The following KCNH8 variants were observed in gnomAD, a reference collection of about 807,000 sequenced individuals.
The protein encoded by KCNH8 is potassium voltage-gated channel subfamily H member 8.
In KCNH8, 70 loss-of-function variants were observed where a neutral mutation model predicts 103.6. That is an observed-to-expected ratio of 0.68 (90% confidence interval 0.56 to 0.82). The LOEUF is 0.82. KCNH8 is among the 40% of genes least tolerant of loss of function. KCNH8 has a pLI of 0.00. For synonymous variants in KCNH8, 498 were observed against 489.4 expected, an observed-to-expected ratio of 1.02 and a Z score of -0.23; for missense variants, 1,217 against 1,329.9, an observed-to-expected ratio of 0.92 and a Z score of 1.32.
intron 2 of KCNH8, among the ~76,000 whole-genome samples, chr3:19,264,648 C>G (rs1442738521): frequency 6.6e-6 from 1 of 152,022 alleles, no homozygotes; most frequent in Non-Finnish European, 1.5e-5. Context: ...TCCATACTTT[C>G]ACTTCTTCAA....
intron 15 of KCNH8, among the ~76,000 whole-genome samples, chr3:19,520,166 G>A (rs1405280710): frequency 6.6e-6 from 1 of 150,892 alleles, no homozygotes; most frequent in Non-Finnish European, 1.5e-5. Flanking sequence ...TGCTATGGTG[G>A]TTTGCTGTAC....
chr3:19,336,690 C>T (rs961761690), intron 3 of KCNH8, among the ~76,000 whole-genome samples: 2 of 151,782 alleles, frequency 1.3e-5, no homozygotes, highest in Admixed American at 6.6e-5. Context: ...GTGTTTTTAA[C>T]GTTTTTCAAT....
intron 11 of KCNH8, among the ~76,000 whole-genome samples, chr3:19,480,718 C>G (rs1387196153): frequency 6.6e-6 from 1 of 152,090 alleles, no homozygotes; most frequent in Non-Finnish European, 1.5e-5. Flanking sequence ...AATGTTGAGG[C>G]CTTCTCTCCA....
At chr3:19,441,993 A>G (rs1251042860) in intron 8 of KCNH8, among the ~76,000 whole-genome samples, 2 of 152,224 alleles carry the variant, frequency 1.3e-5, no homozygotes, top group Non-Finnish European at 2.9e-5. Flanking sequence ...AGTAAATGCT[A>G]AGTGCCACAT....
In KCNH8 at chr3:19,148,552, CTCTCCCTT is replaced by C; in HGVS notation, c.-160_-153del. Reference sequence around the variant, plus strand: ...TGCCACAGCCGGGGCGGCTGGAACTCTCTCCCTTTCTCCCTCCATCCTTCCACTTCCCC... The same window carrying C: ...TGCCACAGCCGGGGCGGCTGGAACTCTCTCCCTCCATCCTTCCACTTCCCC... On this transcript the variant is annotated 5_prime_UTR_variant, in exon 1 of 16. Transcript: ENST00000328405. 1 of 660,510 alleles carries C rather than the reference CTCTCCCTT, an allele frequency of 1.5e-6. No homozygotes were observed. The highest frequency in any genetic ancestry group is 2.7e-6 in the Non-Finnish European group (1 of 369,406). The allele number at this position is 660,510 out of a possible 1,614,324, so 40.9% of individuals were successfully genotyped here. A position where few individuals can be genotyped will look rare whatever the true frequency, so the allele number is the denominator to read the frequency against.
At position 19,490,784 on chromosome 3, in the gene KCNH8, A is replaced by G. The variant is rs560056880; in HGVS notation, c.2041-19579A>G. On this transcript the variant is annotated intron_variant, in intron 11 of 15. Transcript: ENST00000328405. ...AAAGTGAGAGAGTTGGACTAATTCA[A>G]TGGTTTCACATCTAACCTGGAGACT... Among the ~76,000 whole-genome samples the G allele has an allele frequency of 1.2e-4, 18 of 152,276 alleles. No individual in the cohort carries two copies. In the East Asian group the frequency reaches 1.5e-3, roughly 13 times the overall value.
intron 3 of KCNH8, among the ~76,000 whole-genome samples, chr3:19,340,955 AG>A (rs1362502185): frequency 6.6e-6 from 1 of 152,150 alleles, no homozygotes; most frequent in African/African-American, 2.4e-5. Flanking sequence ...CAGGAATGAA[AG>A]GAAGCAATGT....
Position 19,307,294 on chromosome 3 carries a change from A to G in KCNH8, c.442+25965A>G, listed in dbSNP as rs758412447. The stretch of plus-strand genomic sequence containing the variant: ...AGAAAACAAACCAATGGCCAAAAAT[A>G]TATATATGAAAAATGCTCAGCATCA... On this transcript the variant is annotated intron_variant, in intron 3 of 15. Coordinates refer to ENST00000328405, the MANE Select transcript of KCNH8 (RefSeq NM_144633.3). Among the ~76,000 whole-genome samples the G allele has an allele frequency of 2.6e-4, 40 of 152,046 alleles. 1 individual carries two copies. Among genetic ancestry groups the G allele is most frequent in the South Asian group, 4.1e-4 (2 of 4,834 alleles).
chr3:19,272,597 C>T (rs554137241), intron 2 of KCNH8, among the ~76,000 whole-genome samples: 3 of 152,234 alleles, frequency 2.0e-5, no homozygotes, highest in African/African-American at 7.2e-5. Context: ...TTCTCTCCTT[C>T]ACTTGACATC....
At chr3:19,152,700 C>T (rs1396344109) in intron 1 of KCNH8, among the ~76,000 whole-genome samples, 1 of 152,204 alleles carries the variant, frequency 6.6e-6, no homozygotes, top group Non-Finnish European at 1.5e-5. Flanking sequence ...CTTTGGGAGG[C>T]TGAGGCGGGC....
chr3:19,335,091 T>C (rs573468450), intron 3 of KCNH8, among the ~76,000 whole-genome samples: 31 of 152,092 alleles, frequency 2.0e-4, no homozygotes, highest in South Asian at 1.2e-3. Flanking sequence ...TTTTATAAGT[T>C]ACAAAAACTG....
At chr3:19,196,296 G>T (rs1321832992) in intron 1 of KCNH8, among the ~76,000 whole-genome samples, 1 of 151,882 alleles carries the variant, frequency 6.6e-6, no homozygotes, top group Non-Finnish European at 1.5e-5. Flanking sequence ...ATTGATAAAA[G>T]GATTAGGTAC....
chr3:19,280,682 AGC>A (rs1036070022), intron 2 of KCNH8, among the ~76,000 whole-genome samples: 4 of 152,126 alleles, frequency 2.6e-5, no homozygotes, highest in African/African-American at 9.6e-5. Flanking sequence ...AATTTGAATC[AGC>A]CAGCAATGTA....
rs374746655 is a variant in KCNH8 at position 19,180,323 on chromosome 3, G to A, written c.76+31528G>A. On this transcript the variant is annotated intron_variant, in intron 1 of 15. Coordinates refer to ENST00000328405, the MANE Select transcript of KCNH8 (RefSeq NM_144633.3). ...GCCAAGACTCTAATCAGAGCTAAAG[G>A]AATTTTGAAGTATTTATTTCAAAGT... 1.7e-4 allele frequency among the ~76,000 whole-genome samples: 26 copies of A among 150,882 alleles called. No individual in the cohort carries two copies. The East Asian group carries it at 2.9e-3, about 17-fold the overall frequency.
chr3:19,283,761 AT>A (rs1033137848), intron 3 of KCNH8, among the ~76,000 whole-genome samples: 8 of 151,536 alleles, frequency 5.3e-5, no homozygotes, highest in African/African-American at 9.7e-5. Context: ...ACCAAAAAAA[AT>A]ATAATAATAA....
rs1431781922 is a variant in KCNH8, at chr3:19,515,382, C to T, written c.2496C>T (p.Gly832=). The T allele has an allele frequency of 6.3e-7, 1 of 1,585,932 alleles. No homozygotes were observed. Among genetic ancestry groups the T allele is most frequent in the South Asian group, 1.2e-5 (1 of 85,960 alleles). The change falls in exon 14 of 16, where the codon GGC becomes GGT. Residue 832 remains glycine, a synonymous_variant. Coordinates refer to ENST00000328405, the MANE Select transcript of KCNH8 (RefSeq NM_144633.3). ...AAGAAAGTCAGACTTTTGATTTTGG[C>T]TCTGAACGAATCAGATCAGAGCCCA... The part of the protein sequence containing the change: ...SSEESQTFDF[G]SERIRSEPRI...
intron 11 of KCNH8, among the ~76,000 whole-genome samples, chr3:19,507,532 G>A (rs1212721464): frequency 6.6e-6 from 1 of 152,102 alleles, no homozygotes; most frequent in Non-Finnish European, 1.5e-5. Flanking sequence ...CAGCGATTAG[G>A]GCAGTACCAT....
rs572187460 is a variant in KCNH8, at chr3:19,465,390, T to C, written c.2040+8408T>C. On this transcript the variant is annotated intron_variant, in intron 11 of 15. Coordinates refer to ENST00000328405, the MANE Select transcript of KCNH8 (RefSeq NM_144633.3). ...TTTACTGAATATTTTAAGCCCACTG[T>C]TGAGACCTAGTGCTCAGAATAAAAG... 1.2e-4 allele frequency among the ~76,000 whole-genome samples: 19 copies of C among 152,306 alleles called. No homozygotes were observed. The South Asian group carries it at 3.5e-3, about 28-fold the overall frequency.
At chr3:19,280,390 C>T (rs1451701720) in intron 2 of KCNH8, among the ~76,000 whole-genome samples, 1 of 152,074 alleles carries the variant, frequency 6.6e-6, no homozygotes, top group Non-Finnish European at 1.5e-5. Flanking sequence ...ACTTGACCAG[C>T]ATCCTACAAC....
Sources: gnomAD v4.1 joint callset for allele counts (sites outside exome capture counted in the v4.1 genomes callset) on GRCh38, gnomAD v4.1.1 for gene constraint, MANE v1.5 for transcripts, NCBI Gene and HGNC (gene_info 2026-07-23, HGNC 2026-07-21) for gene names.